Variants in PDCD11 observed in about 807,000 individuals in gnomAD.
PDCD11 encodes the protein protein RRP5 homolog.
PDCD11 carries 97 observed loss-of-function variants against 198.9 expected under a neutral mutation model. That is an observed-to-expected ratio of 0.49 (90% confidence interval 0.41 to 0.58). The LOEUF is 0.58. Ranked by LOEUF, PDCD11 falls within the 20% of genes least tolerant of loss-of-function variation. The pLI, the probability that PDCD11 is intolerant of heterozygous loss-of-function variation, is 0.00. For synonymous variants in PDCD11, 893 were observed against 918.0 expected, an observed-to-expected ratio of 0.97 and a Z score of 0.49; for missense variants, 2,102 against 2,312.7, an observed-to-expected ratio of 0.91 and a Z score of 1.87.
chr10:103,409,699 G>T lies in PDCD11; in HGVS notation c.871G>T (p.Val291Leu). Residue 291 changes from valine (V) to leucine (L), a missense_variant and splice_region_variant, in exon 8 of 36, where the codon GTG becomes TTG. Coordinates refer to ENST00000369797, the MANE Select transcript of PDCD11 (RefSeq NM_014976.2). ...GLVVKAQVQK[V>L]TPFGLTLNFL... Reference sequence around the variant, plus strand: ...TATAACTTGTTCTGTTTATTTCTAGGTGACTCCATTTGGCCTTACGCTAAA... The same window carrying T: ...TATAACTTGTTCTGTTTATTTCTAGTTGACTCCATTTGGCCTTACGCTAAA... 6.2e-7 allele frequency: 1 copy of T among 1,610,902 alleles called. No homozygotes were observed. Among genetic ancestry groups the T allele is most frequent in the Non-Finnish European group, 8.5e-7 (1 of 1,177,164 alleles).
intron 4 of PDCD11, among the ~76,000 whole-genome samples, chr10:103,403,682 G>T (rs2030257850): frequency 6.6e-6 from 1 of 152,212 alleles, no homozygotes; most frequent in Admixed American, 6.5e-5. Context: ...TCAATGGGAA[G>T]TCCTTGAAAT....
At chr10:103,397,128 C>T (rs2093440373) in intron 1 of PDCD11, among the ~76,000 whole-genome samples, 1 of 151,884 alleles carries the variant, frequency 6.6e-6, no homozygotes, top group Non-Finnish European at 1.5e-5. Flanking sequence ...AAGTGTCTGT[C>T]AGAACTAACC....
At chr10:103,423,502 C>G in intron 18 of PDCD11, 41 bp from the exon 19 acceptor site, 1 of 1,443,476 alleles carries the variant, frequency 6.9e-7, no homozygotes, top group Non-Finnish European at 9.8e-7. Flanking sequence ...TCCCTTCACT[C>G]TGTTCCAGAA....
intron 8 of PDCD11, among the ~76,000 whole-genome samples, chr10:103,412,250 T>C (rs1030488428): frequency 1.3e-5 from 2 of 151,720 alleles, no homozygotes; most frequent in Admixed American, 6.6e-5. Flanking sequence ...AACCTCTGCC[T>C]CCCCATTTTA....
intron 8 of PDCD11, among the ~76,000 whole-genome samples, chr10:103,412,359 C>T (rs1243126046): frequency 2.6e-5 from 4 of 151,800 alleles, no homozygotes; most frequent in South Asian, 2.1e-4. Flanking sequence ...CTTGCTCTGT[C>T]GCCCAGGCTG....
chr10:103,407,677 T>C (rs1424639903), intron 7 of PDCD11, among the ~76,000 whole-genome samples: 2 of 152,074 alleles, frequency 1.3e-5, no homozygotes, highest in Non-Finnish European at 2.9e-5. Flanking sequence ...CCCAAAGTGC[T>C]GGGATTACAG....
At chr10:103,417,701 C>T (rs1308311957) in intron 13 of PDCD11, 91 bp from the exon 14 acceptor site, 8 of 1,379,538 alleles carry the variant, frequency 5.8e-6, no homozygotes, top group Non-Finnish European at 8.0e-6. Flanking sequence ...GTAGATCTCC[C>T]AAGTCCTCTG....
At position 103,424,995 on chromosome 10, in the gene PDCD11, C is replaced by G; in HGVS notation, c.2775C>G (p.Gly925=). 6.2e-7 allele frequency: 1 copy of G among 1,614,006 alleles called. No individual in the cohort carries two copies. Among genetic ancestry groups the G allele is most frequent in the Non-Finnish European group, 8.5e-7 (1 of 1,179,892 alleles). Residue 925 remains glycine (G), a synonymous_variant, in exon 20 of 36, where the codon GGC becomes GGG. Coordinates refer to ENST00000369797, the MANE Select transcript of PDCD11 (RefSeq NM_014976.2). ...TTTCTCTCTTCTAGCTGAGGAAAGGCAGCGAACACCAGGCGATTGTGCAGC... is the reference window on the plus strand; with the variant it reads ...TTTCTCTCTTCTAGCTGAGGAAAGGGAGCGAACACCAGGCGATTGTGCAGC... ...VNRKARKLRK[G]SEHQAIVQHL...
chr10:103,415,201 C>T (rs1202227190), intron 12 of PDCD11, 50 bp downstream of exon 12: 3 of 1,590,102 alleles, frequency 1.9e-6, no homozygotes, highest in South Asian at 1.1e-5. Flanking sequence ...GGGAAGAAAG[C>T]AGTTCTCAAC....
In PDCD11 at chr10:103,434,876, C is replaced by T. The variant is rs2032085778; in HGVS notation, c.3746C>T (p.Ser1249Phe). ...ACTCCCAACGAGGGGCTGACCGTCT[C>T]CTTCCCCTTTGGGAAGATAGGAACA... ...KVTPNEGLTVSFPFGKIGTVS... is the reference protein window; with the variant it reads ...KVTPNEGLTVFFPFGKIGTVS... The change falls in exon 25 of 36, where the codon TCC becomes TTC. Residue 1249 changes from serine to phenylalanine, a missense_variant. By Grantham distance (155) the Ser-to-Phe change is radical. Coordinates refer to ENST00000369797, the MANE Select transcript of PDCD11 (RefSeq NM_014976.2). 2 of 1,613,130 alleles carry T rather than the reference C, an allele frequency of 1.2e-6. No homozygotes were observed. Among genetic ancestry groups the T allele is most frequent in the Non-Finnish European group, 1.7e-6 (2 of 1,179,534 alleles).
chr10:103,444,450 C>T (rs910199802), intron 34 of PDCD11, 67 bp from the exon 35 acceptor site: 39 of 1,471,184 alleles, frequency 2.7e-5, no homozygotes, highest in Admixed American at 1.7e-4. Flanking sequence ...GCTGACCCTG[C>T]GGAACACTGT....
Position 103,434,170 on chromosome 10 carries a change from T to G in PDCD11, c.3565-78T>G, listed in dbSNP as rs191460820. On this transcript the variant is annotated intron_variant, in intron 23 of 35. Transcript: ENST00000369797. ...AGGGTTGCTTTGGGAGATACTTGCTTTGGAGACTTAAATGCTGTGGTTTTG... is the reference window on the plus strand; with the variant it reads ...AGGGTTGCTTTGGGAGATACTTGCTGTGGAGACTTAAATGCTGTGGTTTTG... 5.2e-5 allele frequency: 64 copies of G among 1,220,222 alleles called. No homozygotes were observed. The Admixed American group carries it at 7.0e-4, about 13-fold the overall frequency. The allele number at this position is 1,220,222 out of a possible 1,614,324, so 75.6% of individuals were successfully genotyped here.
At chr10:103,412,512 G>A (rs1380447817) in intron 8 of PDCD11, among the ~76,000 whole-genome samples, 1 of 152,154 alleles carries the variant, frequency 6.6e-6, no homozygotes, top group Admixed American at 6.5e-5. Flanking sequence ...AGTAGAGACG[G>A]GGTTTCACTG....
intron 30 of PDCD11, 24 bp from the exon 31 acceptor site, chr10:103,441,802 T>C (rs749582489): frequency 6.2e-7 from 1 of 1,609,966 alleles, no homozygotes. Context: ...AGGTGCTTTC[T>C]TTAGCGCCTC....
At chr10:103,402,970 C>G (rs1190354384) in intron 3 of PDCD11, 148 bp from the exon 4 acceptor site, 1 of 718,436 alleles carries the variant, frequency 1.4e-6, no homozygotes, top group African/African-American at 1.8e-5. Context: ...GTCCTCCTGC[C>G]TTGGCCACCC....
At chr10:103,412,487 A>AT (rs1199536960) in intron 8 of PDCD11, among the ~76,000 whole-genome samples, 5 of 151,978 alleles carry the variant, frequency 3.3e-5, no homozygotes, top group Non-Finnish European at 7.4e-5. Flanking sequence ...CACCCAGCTA[A>AT]TTTTTTGTAT....
chr10:103,438,660 T>C, intron 26 of PDCD11, 26 bp from the exon 27 acceptor site: 1 of 1,614,054 alleles, frequency 6.2e-7, no homozygotes, highest in African/African-American at 1.3e-5. Flanking sequence ...GTTAAAGGTG[T>C]GCATGTAAGC....
chr10:103,410,032 C>T (rs1173274925), intron 8 of PDCD11, among the ~76,000 whole-genome samples: 2 of 152,082 alleles, frequency 1.3e-5, no homozygotes, highest in Admixed American at 1.3e-4. Context: ...GTCAGGAGTT[C>T]AAGACTAGCC....
chr10:103,426,524 T>TG (rs1564770627), intron 20 of PDCD11, among the ~76,000 whole-genome samples: 1 of 152,130 alleles, frequency 6.6e-6, no homozygotes, highest in Non-Finnish European at 1.5e-5. Context: ...CCAGGCACGG[T>TG]GGCTCACGCC....
Sources: gnomAD v4.1 joint callset for allele counts (sites outside exome capture counted in the v4.1 genomes callset) on GRCh38, gnomAD v4.1.1 for gene constraint, MANE v1.5 for transcripts, NCBI Gene and HGNC (gene_info 2026-07-23, HGNC 2026-07-21) for gene names.